Variants in BCL7B observed in about 807,000 individuals in gnomAD.
The protein encoded by BCL7B is B-cell CLL/lymphoma 7 protein family member B.
A neutral mutation model predicts 26.5 loss-of-function variants in BCL7B; 11 were observed. The observed-to-expected ratio is 0.42, with a 90% confidence interval of 0.26 to 0.69. BCL7B has a LOEUF of 0.69. Ranked by LOEUF, BCL7B falls within the 30% of genes least tolerant of loss-of-function variation. The pLI, the probability that BCL7B is intolerant of heterozygous loss-of-function variation, is 0.28. For missense variants in BCL7B, 215 were observed against 264.4 expected (o/e 0.81, Z 1.30); for synonymous variants, 111 against 107.9 (o/e 1.03, Z -0.18).
In BCL7B at chr7:73,539,504, G is replaced by A. The variant is rs551431367; in HGVS notation, c.436+378C>T. Among the ~76,000 whole-genome samples the A allele has an allele frequency of 1.3e-4, 20 of 151,954 alleles. No homozygotes were observed. In the South Asian group the frequency reaches 3.1e-3, roughly 24 times the overall value. The stretch of plus-strand genomic sequence containing the variant: ...TGGCCTCAAGTGACCCGCTCACCTC[G>A]ACCTCCCAAAGTGCTGGGATTACAG... On this transcript the variant is annotated intron_variant, in intron 4 of 5. Coordinates refer to ENST00000223368, the MANE Select transcript of BCL7B (RefSeq NM_001707.4).
Position 73,536,681 on chromosome 7 carries a change from A to AT in BCL7B, c.*616_*617insA, listed in dbSNP as rs1791539315. The AT allele has an allele frequency of 1.3e-5, 2 of 152,616 alleles. No individual in the cohort carries two copies. The highest frequency in any genetic ancestry group is 4.8e-5 in the African/African-American group (2 of 41,384). 9.5% of individuals were successfully genotyped at this position (152,616 alleles called of 1,614,324 possible). A position where few individuals can be genotyped will look rare whatever the true frequency, so the allele number is the denominator to read the frequency against. The stretch of plus-strand genomic sequence containing the variant: ...TGTGTGCTGAGGGCAGGGGATGGGG[A>AT]CGGCGGCCACAAAGGGCTGTCAGCA... On this transcript the variant is annotated 3_prime_UTR_variant, in exon 6 of 6. Transcript: ENST00000223368.
chr7:73,542,925 T>TA (rs782649990), intron 3 of BCL7B: 4 of 425,764 alleles, frequency 9.4e-6, no homozygotes, highest in South Asian at 6.6e-5. Flanking sequence ...AAATAAAAAA[T>TA]AAAAAATGAA....
chr7:73,545,169 G>A (rs1475226640), intron 2 of BCL7B, among the ~76,000 whole-genome samples: 6 of 151,986 alleles, frequency 3.9e-5, no homozygotes, highest in Admixed American at 6.6e-5. Flanking sequence ...ATACATTTCC[G>A]GTAGATGCAT....
In BCL7B at chr7:73,557,508, G is replaced by C; in HGVS notation, c.71C>G (p.Ala24Gly). The part of the protein sequence containing the change: ...AKDDIKKVMA[A>G]IEKVRKWEKK... ...TCACCATTTCCGCACTTTCTCGATG[G>C]CCGCCATCACCTTCTTGATGTCGTC... Residue 24 changes from alanine to glycine, a missense_variant, in exon 1 of 6, where the codon GCC becomes GGC. Transcript: ENST00000223368. 6.9e-7 allele frequency: 1 copy of C among 1,447,804 alleles called. No individual in the cohort carries two copies. The highest frequency in any genetic ancestry group is 1.4e-5 in the South Asian group (1 of 71,376). 89.7% of individuals were successfully genotyped at this position (1,447,804 alleles called of 1,614,324 possible). A position where few individuals can be genotyped will look rare whatever the true frequency, so the allele number is the denominator to read the frequency against.
chr7:73,545,813 C>A (rs1372367522), intron 2 of BCL7B, among the ~76,000 whole-genome samples: 1 of 152,136 alleles, frequency 6.6e-6, no homozygotes, highest in Non-Finnish European at 1.5e-5. Flanking sequence ...CTGAGGCTAA[C>A]CTCAACCTCC....
intron 3 of BCL7B, among the ~76,000 whole-genome samples, chr7:73,541,490 C>T (rs56403441): frequency 6.7e-5 from 10 of 148,712 alleles, no homozygotes; most frequent in Admixed American, 6.7e-4. Flanking sequence ...TTTTTGAGAC[C>T]GAGTTTCGCT....
At position 73,537,376 on chromosome 7, in the gene BCL7B, C is replaced by G. The variant is rs782530597; in HGVS notation, c.531G>C (p.Glu177Asp). The G allele has an allele frequency of 1.2e-6, 2 of 1,614,058 alleles. No individual in the cohort carries two copies. The highest frequency in any genetic ancestry group is 1.1e-5 in the South Asian group (1 of 91,080). ...TCAGGGGCGGGGCACCTGAGTCTTC[C>G]TCTTCCTCAACGACCTAGGAGCAGG... ...VPLETQVVEE[E>D]EDSGAPPLKR... Residue 177 changes from glutamate (E) to aspartate (D), a missense_variant, in exon 6 of 6, where the codon GAG becomes GAC. Coordinates refer to ENST00000223368, the MANE Select transcript of BCL7B (RefSeq NM_001707.4).
intron 4 of BCL7B, among the ~76,000 whole-genome samples, chr7:73,538,815 T>TAAAA (rs1159395373): frequency 8.5e-5 from 8 of 94,538 alleles, no homozygotes; most frequent in African/African-American, 1.5e-4. Context: ...CCTATCTCTT[T>TAAAA]AAAAAAAAAA....
At chr7:73,548,962 C>CA (rs1792059820) in intron 2 of BCL7B, among the ~76,000 whole-genome samples, 1 of 152,040 alleles carries the variant, frequency 6.6e-6, no homozygotes, top group Admixed American at 6.6e-5. Flanking sequence ...AAAAAAACTC[C>CA]AAAAAACAAA....
At chr7:73,556,785 T>C (rs544760081) in intron 1 of BCL7B, among the ~76,000 whole-genome samples, 3 of 152,204 alleles carry the variant, frequency 2.0e-5, no homozygotes, top group Non-Finnish European at 2.9e-5. Context: ...ACTCTGCTAC[T>C]TGGAAGTGAG....
rs925800047 is a variant in BCL7B at position 73,545,341 on chromosome 7, T to C, written c.169-1697A>G. ...CATTCTCTTGCCTCAGCCTCCCGAG[T>C]AGCTGGGACTACAGGCGCCCACTAC... On this transcript the variant is annotated intron_variant, in intron 2 of 5. Coordinates refer to ENST00000223368, the MANE Select transcript of BCL7B (RefSeq NM_001707.4). Among the ~76,000 whole-genome samples the C allele has an allele frequency of 2.6e-5, 4 of 151,886 alleles. No homozygotes were observed. In the South Asian group the frequency reaches 6.2e-4, roughly 24 times the overall value.
rs552864297 is a variant in BCL7B, at chr7:73,537,233, G to A, written c.*65C>T. 24 of 1,532,386 alleles carry A rather than the reference G, an allele frequency of 1.6e-5. No individual in the cohort carries two copies. Among genetic ancestry groups the A allele is most frequent in the Middle Eastern group, 2.0e-4 (1 of 4,970 alleles). 94.9% of individuals were successfully genotyped at this position (1,532,386 alleles called of 1,614,324 possible). On this transcript the variant is annotated 3_prime_UTR_variant, in exon 6 of 6. Coordinates refer to ENST00000223368, the MANE Select transcript of BCL7B (RefSeq NM_001707.4). ...GTGCTTGCCCTTACCCCAGCAACGCGGCGCGGCCAGAACCAGAATGCAATA... is the reference window on the plus strand; with the variant it reads ...GTGCTTGCCCTTACCCCAGCAACGCAGCGCGGCCAGAACCAGAATGCAATA...
chr7:73,557,079 G>C, intron 1 of BCL7B: 1 of 989,306 alleles, frequency 1.0e-6, no homozygotes, highest in Non-Finnish European at 1.2e-6. Context: ...GCTCAGCCTG[G>C]CGGGCTGACA....
At chr7:73,555,720 T>G (rs1792335925) in intron 1 of BCL7B, among the ~76,000 whole-genome samples, 1 of 152,164 alleles carries the variant, frequency 6.6e-6, no homozygotes. Context: ...ACTGAAGCAT[T>G]ACTAGGGGTG....
intron 1 of BCL7B, among the ~76,000 whole-genome samples, chr7:73,552,863 G>A (rs1365068918): frequency 1.3e-5 from 2 of 152,044 alleles, no homozygotes; most frequent in South Asian, 2.1e-4. Context: ...ACTTGCATGC[G>A]AGTTACTTTG....
chr7:73,557,585 G>A lies in BCL7B; in HGVS notation c.-7C>T. 3 of 1,295,430 alleles carry A rather than the reference G, an allele frequency of 2.3e-6. No individual in the cohort carries two copies. The highest frequency in any genetic ancestry group is 3.0e-6 in the Non-Finnish European group (3 of 1,008,048). The allele number at this position is 1,295,430 out of a possible 1,614,324, so 80.2% of individuals were successfully genotyped here. A position where few individuals can be genotyped will look rare whatever the true frequency, so the allele number is the denominator to read the frequency against. On this transcript the variant is annotated 5_prime_UTR_variant, in exon 1 of 6. Coordinates refer to ENST00000223368, the MANE Select transcript of BCL7B (RefSeq NM_001707.4). ...GGACCGACCGGCCCGACATGGCGGC[G>A]GCGGGAGCGGCGGGGGCCGGGGCAC...
chr7:73,557,587 C>T lies in BCL7B; in HGVS notation c.-9G>A, dbSNP rs782480811. ...ACCGACCGGCCCGACATGGCGGCGG[C>T]GGGAGCGGCGGGGGCCGGGGCACTG... On this transcript the variant is annotated 5_prime_UTR_variant, in exon 1 of 6. Coordinates refer to ENST00000223368, the MANE Select transcript of BCL7B (RefSeq NM_001707.4). 9 of 1,288,498 alleles carry T rather than the reference C, an allele frequency of 7.0e-6. No homozygotes were observed. In the South Asian group the frequency reaches 8.8e-5, roughly 13 times the overall value. 79.8% of individuals were successfully genotyped at this position (1,288,498 alleles called of 1,614,324 possible).
In BCL7B at chr7:73,543,617, C is replaced by T. The variant is rs1554583176; in HGVS notation, c.196G>A (p.Ala66Thr). The change falls in exon 3 of 6, where the codon GCA (alanine) becomes ACA (threonine). Residue 66 changes from alanine (A) to threonine (T), a missense_variant. Physicochemically the swap from Ala to Thr is moderately conservative, Grantham distance 58. Transcript: ENST00000223368. ...EKEKSKSNSS[A>T]AREPNGFPSD... The stretch of plus-strand genomic sequence containing the variant: ...GGAAAGCCATTAGGTTCTCGGGCTG[C>T]TGAACTGTTCGATTTTGACTTTTCT... 3 of 1,613,622 alleles carry T rather than the reference C, an allele frequency of 1.9e-6. No individual in the cohort carries two copies. Among genetic ancestry groups the T allele is most frequent in the Non-Finnish European group, 2.5e-6 (3 of 1,179,860 alleles).
chr7:73,539,415 C>T lies in BCL7B; in HGVS notation c.436+467G>A, dbSNP rs190822766. Reference sequence around the variant, plus strand: ...TACAGGCACATGCCACCACGCCCAACTAAATTTTTTATGTTTTTAGTAGAG... The same window carrying T: ...TACAGGCACATGCCACCACGCCCAATTAAATTTTTTATGTTTTTAGTAGAG... On this transcript the variant is annotated intron_variant, in intron 4 of 5. Transcript: ENST00000223368. Among the ~76,000 whole-genome samples, 53 of 152,070 alleles carry T rather than the reference C, an allele frequency of 3.5e-4. 1 individual carries two copies. The East Asian group carries it at 7.2e-3, about 21-fold the overall frequency.
Sources: gnomAD v4.1 joint callset for allele counts (sites outside exome capture counted in the v4.1 genomes callset) on GRCh38, gnomAD v4.1.1 for gene constraint, MANE v1.5 for transcripts, NCBI Gene and HGNC (gene_info 2026-07-23, HGNC 2026-07-21) for gene names.